Variants in ATG9A observed in about 807,000 individuals in gnomAD.
ATG9A encodes autophagy related 9A.
In ATG9A, 21 loss-of-function variants were observed where a neutral mutation model predicts 87.1. The ratio of observed to expected loss-of-function variants is 0.24; its 90% CI spans 0.17 to 0.35. ATG9A has a LOEUF of 0.35. Among genes scored for constraint, ATG9A ranks in the 10% least tolerant of loss-of-function variants. The probability of loss-of-function intolerance (pLI) is 1.00; values close to 1 mark genes in which losing one functional copy is unlikely to be tolerated. For missense variants in ATG9A, 836 were observed against 1,107.3 expected, an observed-to-expected ratio of 0.76 and a Z score of 3.48; for synonymous variants, 422 against 441.3, an observed-to-expected ratio of 0.96 and a Z score of 0.55.
At chr2:219,225,599 G>A (rs1434390017) in intron 5 of ATG9A, 27 bp from the exon 6 acceptor site, 2 of 1,610,090 alleles carry the variant, frequency 1.2e-6, no homozygotes, top group African/African-American at 1.3e-5. Flanking sequence ...AAGGGGTGCA[G>A]TCTGAGAGCC....
At position 219,227,995 on chromosome 2, in the gene ATG9A, G is replaced by A. The variant is rs532411625; in HGVS notation, c.30C>T (p.Arg10=). 1.9e-6 allele frequency: 3 copies of A among 1,614,092 alleles called. No homozygotes were observed. The African/African-American group carries it at 4.0e-5, about 22-fold the overall frequency. ...GTGAATCACTATAGGAGGCCTCTAG[G>A]CGCTGGTATTCAGTGTCAAACTGCG... The part of the protein sequence containing the change: MAQFDTEYQ[R]LEASYSDSPP... The change falls in exon 3 of 16, where the codon CGC becomes CGT. Residue 10 remains arginine, a synonymous_variant. Transcript: ENST00000361242.
rs980850476 is a variant in ATG9A at position 219,229,593 on chromosome 2, C to T, written c.-140G>A. ...TCCGCCGGCTCCGCTCGGCTCGGCTCGGCTCGGCGCGACCCGCGGCGCTAG... is the reference window on the plus strand; with the variant it reads ...TCCGCCGGCTCCGCTCGGCTCGGCTTGGCTCGGCGCGACCCGCGGCGCTAG... On this transcript the variant is annotated 5_prime_UTR_variant, in exon 1 of 16. Transcript: ENST00000361242. The surrounding 1 kb of genome is among the most constrained non-coding windows in gnomAD (Gnocchi z 4.2). The T allele has an allele frequency of 3.3e-5, 5 of 152,748 alleles. No homozygotes were observed. Among genetic ancestry groups the T allele is most frequent in the African/African-American group, 1.2e-4 (5 of 41,526 alleles). 9.5% of individuals were successfully genotyped at this position (152,748 alleles called of 1,614,324 possible).
In ATG9A at chr2:219,225,156, A is replaced by G. The variant is rs550081141; in HGVS notation, c.431T>C (p.Ile144Thr). The G allele has an allele frequency of 6.2e-7, 1 of 1,614,166 alleles. No individual in the cohort carries two copies. The highest frequency in any genetic ancestry group is 8.5e-7 in the Non-Finnish European group (1 of 1,180,020). Reference sequence around the variant, plus strand: ...ATAGATGAACTTGATAAGCCGGTGGATCCAGAAGACACCAGCAATGACCAG... The same window carrying G: ...ATAGATGAACTTGATAAGCCGGTGGGTCCAGAAGACACCAGCAATGACCAG... ...TILVIAGVFW[I>T]HRLIKFIYNI... is the part of the protein sequence containing the mutation. The change falls in exon 7 of 16, where the codon ATC becomes ACC. Residue 144 changes from isoleucine (I) to threonine (T), a missense_variant. Around this residue, in one of 2 missense-constraint regions of ATG9A, gnomAD observed 512 missense variants for 759.6 expected, o/e 0.67. Transcript: ENST00000361242.
At chr2:219,227,885 T>C (rs768779810) in intron 3 of ATG9A, 37 bp downstream of exon 3, 235 of 1,612,950 alleles carry the variant, frequency 1.5e-4, no homozygotes, top group Non-Finnish European at 2.0e-4. Flanking sequence ...TGTTCTTCCA[T>C]CAACTCTCCC....
chr2:219,227,449 G>A (rs1950884683), intron 4 of ATG9A, among the ~76,000 whole-genome samples: 1 of 152,062 alleles, frequency 6.6e-6, no homozygotes, highest in Non-Finnish European at 1.5e-5. Context: ...CCCAGGAGGT[G>A]GAGGTTGCAG....
chr2:219,220,056 G>C lies in ATG9A; in HGVS notation c.*391C>G. The C allele has an allele frequency of 3.9e-6, 1 of 254,406 alleles. No individual in the cohort carries two copies. The highest frequency in any genetic ancestry group is 7.7e-6 in the Non-Finnish European group (1 of 129,940). 15.8% of individuals were successfully genotyped at this position (254,406 alleles called of 1,614,324 possible). Reference sequence around the variant, plus strand: ...GAAGGTTGCAGGGGTTGAGGGTCCAGGCCCAACCTCCCCACTCCACAGTTG... The same window carrying C: ...GAAGGTTGCAGGGGTTGAGGGTCCACGCCCAACCTCCCCACTCCACAGTTG... On this transcript the variant is annotated 3_prime_UTR_variant, in exon 16 of 16. Coordinates refer to ENST00000361242, the MANE Select transcript of ATG9A (RefSeq NM_001077198.3).
intron 15 of ATG9A, 84 bp downstream of exon 15, chr2:219,220,663 A>G (rs1274440196): frequency 2.6e-6 from 4 of 1,550,392 alleles, no homozygotes; most frequent in Non-Finnish European, 2.6e-6. Flanking sequence ...GGGGTGGGGC[A>G]TATCTTCCTT....
Position 219,223,846 on chromosome 2 carries a change from G to A in ATG9A, c.1419+23C>T. The A allele has an allele frequency of 6.2e-7, 1 of 1,614,112 alleles. No individual in the cohort carries two copies. The highest frequency in any genetic ancestry group is 8.5e-7 in the Non-Finnish European group (1 of 1,180,028). On this transcript the variant is annotated intron_variant, in intron 9 of 15. Transcript: ENST00000361242. The surrounding 1 kb of genome is among the most constrained non-coding windows in gnomAD (Gnocchi z 4.7). ...CGAGCTACCAGCCAGTCTCTAGCAG[G>A]CCCTAACTCCAACTCCACTCACTGC...
chr2:219,220,890 G>A lies in ATG9A; in HGVS notation c.2371C>T (p.Pro791Ser), dbSNP rs1370469041. Residue 791 changes from proline to serine, a missense_variant and splice_region_variant, in exon 15 of 16, where the codon CCT (proline) becomes TCT (serine). Pro to Ser is a moderately conservative substitution (Grantham distance 74). This residue lies in a region of ATG9A where 324 missense variants were observed against 347.6 expected (regional missense o/e 0.93). Coordinates refer to ENST00000361242, the MANE Select transcript of ATG9A (RefSeq NM_001077198.3). ...FQRRYGGITD[P>S]GTVPRVPSHF... ...GAGGGAACCCTGGGCACTGTGCCAG[G>A]ATCTGGAGAGACAAGTAAGAGTAAG... The A allele has an allele frequency of 1.2e-6, 2 of 1,613,086 alleles. No individual in the cohort carries two copies. The highest frequency in any genetic ancestry group is 2.2e-5 in the East Asian group (1 of 44,840).
At position 219,224,941 on chromosome 2, in the gene ATG9A, G is replaced by C; in HGVS notation, c.517-87C>G. On this transcript the variant is annotated intron_variant, in intron 7 of 15. Coordinates refer to ENST00000361242, the MANE Select transcript of ATG9A (RefSeq NM_001077198.3). This position sits in a 1 kb window ranked among gnomAD's most constrained non-coding sequence, Gnocchi z 7.7. ...TGCCCTATATTAGAAGTGAGATTCA[G>C]GGGTTGTGAGCTTAAGAGACAGTTC... 6.3e-7 allele frequency: 1 copy of C among 1,577,480 alleles called. No individual in the cohort carries two copies. Among genetic ancestry groups the C allele is most frequent in the East Asian group, 2.2e-5 (1 of 44,582 alleles).
Position 219,223,525 on chromosome 2 carries a change from C to G in ATG9A, c.1599+60G>C. 4 of 1,517,570 alleles carry G rather than the reference C, an allele frequency of 2.6e-6. No homozygotes were observed. Among genetic ancestry groups the G allele is most frequent in the Non-Finnish European group, 3.5e-6 (4 of 1,131,406 alleles). The allele number at this position is 1,517,570 out of a possible 1,614,324, so 94.0% of individuals were successfully genotyped here. ...GAGAGGTGTCTTTTTGCGGTTTTCCCAAAGACACTGTATGTTCCAGCATCA... is the reference window on the plus strand; with the variant it reads ...GAGAGGTGTCTTTTTGCGGTTTTCCGAAAGACACTGTATGTTCCAGCATCA... On this transcript the variant is annotated intron_variant, in intron 10 of 15. Transcript: ENST00000361242. The surrounding 1 kb of genome is among the most constrained non-coding windows in gnomAD (Gnocchi z 4.7).
chr2:219,223,658 G>A lies in ATG9A; in HGVS notation c.1526C>T (p.Thr509Ile). ...LEIIDFFRNF[T>I]VEVVGVGDTC... ...ATCTCCCACACCAACGACCTCCACG[G>A]TGAAGTTTCGGAAGAAGTCTATAAT... The change falls in exon 10 of 16, where the codon ACC becomes ATC. Residue 509 changes from threonine (T) to isoleucine (I), a missense_variant. Thr to Ile is a moderately conservative substitution (Grantham distance 89). This residue lies in a region of ATG9A where 512 missense variants were observed against 759.6 expected (regional missense o/e 0.67). Transcript: ENST00000361242. This position sits in a 1 kb window ranked among gnomAD's most constrained non-coding sequence, Gnocchi z 4.7. The A allele has an allele frequency of 6.2e-7, 1 of 1,613,930 alleles. No individual in the cohort carries two copies. The highest frequency in any genetic ancestry group is 8.5e-7 in the Non-Finnish European group (1 of 1,179,996).
Position 219,227,760 on chromosome 2 carries a change from C to T in ATG9A, c.147+10G>A. 6.2e-7 allele frequency: 1 copy of T among 1,613,836 alleles called. No individual in the cohort carries two copies. Among genetic ancestry groups the T allele is most frequent in the South Asian group, 1.1e-5 (1 of 91,074 alleles). On this transcript the variant is annotated intron_variant, in intron 4 of 15. Transcript: ENST00000361242. ...GTCCCAGAGCTCCAACTCAGAAACA[C>T]AAAGGATATTCGAGAGAAGAAGAGG...
intron 13 of ATG9A, among the ~76,000 whole-genome samples, chr2:219,221,582 T>C (rs1390558315): frequency 6.6e-6 from 1 of 152,192 alleles, no homozygotes; most frequent in East Asian, 1.9e-4. Flanking sequence ...GGCACTCTTT[T>C]AGGTGTGGGG....
In ATG9A at chr2:219,220,223, A is replaced by T; in HGVS notation, c.*224T>A. ...ACTCTGAGCCAAGGGGGTCCTGGGG[A>T]TGAGGCTAGAGTCCCGTGTGCCCTC... On this transcript the variant is annotated 3_prime_UTR_variant, in exon 16 of 16. Transcript: ENST00000361242. The T allele has an allele frequency of 1.8e-6, 1 of 554,222 alleles. No homozygotes were observed. The highest frequency in any genetic ancestry group is 3.2e-6 in the Non-Finnish European group (1 of 312,780). The allele number at this position is 554,222 out of a possible 1,614,324, so 34.3% of individuals were successfully genotyped here.
chr2:219,220,537 G>C lies in ATG9A; in HGVS notation c.2515-85C>G, dbSNP rs1950729838. ...GCCCCATAGAAACCTAGAGGTAAAG[G>C]GACAGGAAAGGTTGATTCCTGGGGA... On this transcript the variant is annotated intron_variant, in intron 15 of 15. Transcript: ENST00000361242. The C allele has an allele frequency of 1.4e-5, 22 of 1,575,990 alleles. No homozygotes were observed. The East Asian group carries it at 4.9e-4, about 35-fold the overall frequency.
rs1950788447 is a variant in ATG9A, at chr2:219,222,756, G to A, written c.1737C>T (p.Phe579=). The change falls in exon 11 of 16, where the codon TTC becomes TTT. Residue 579 remains phenylalanine (F), a synonymous_variant. Transcript: ENST00000361242. This position sits in a 1 kb window ranked among gnomAD's most constrained non-coding sequence, Gnocchi z 4.3. ...CATCCCGCTGAACCTGCTCCTTGAG[G>A]AAGCCTAGGAAGGCTGTGCTCTCAC... ...PPRESTAFLG[F]LKEQVQRDGA... is the part of the protein sequence containing the mutation. 12 of 1,614,002 alleles carry A rather than the reference G, an allele frequency of 7.4e-6. No homozygotes were observed. Among genetic ancestry groups the A allele is most frequent in the Non-Finnish European group, 9.3e-6 (11 of 1,180,024 alleles).
At chr2:219,225,366 A>G in intron 6 of ATG9A, 45 bp downstream of exon 6, 1 of 1,605,150 alleles carries the variant, frequency 6.2e-7, no homozygotes, top group Non-Finnish European at 8.5e-7. Flanking sequence ...CCCACCTGCT[A>G]GCAGAACTCA....
At chr2:219,221,934 A>T in intron 13 of ATG9A, 116 bp downstream of exon 13, 1 of 862,438 alleles carries the variant, frequency 1.2e-6, no homozygotes, top group Non-Finnish European at 1.8e-6. Context: ...GATATTAAGA[A>T]GGTAGATATG....
Sources: allele counts gnomAD v4.1 joint callset (sites outside exome capture counted in the v4.1 genomes callset), GRCh38; gene constraint gnomAD v4.1.1; regional missense constraint gnomAD v4.1.1; non-coding constraint Gnocchi (gnomAD v3.1); transcripts MANE v1.5; gene names NCBI Gene and HGNC (gene_info 2026-07-23, HGNC 2026-07-21).